DAP: variants seen among roughly 807,000 people sequenced by gnomAD.
DAP encodes the protein death-associated protein 1.
Under a neutral mutation model 13.8 loss-of-function variants are expected in DAP, and 8 were observed. The ratio of observed to expected loss-of-function variants is 0.58; its 90% CI spans 0.34 to 1.05. The LOEUF (loss-of-function observed/expected upper bound fraction) is 1.05, where lower values mean the gene tolerates loss of function less well. Ranked by LOEUF, DAP falls within the 50% of genes least tolerant of loss-of-function variation. The probability of loss-of-function intolerance (pLI) is 0.03; values close to 1 mark genes in which losing one functional copy is unlikely to be tolerated. For synonymous variants in DAP, 47 were observed against 47.5 expected (o/e 0.99, Z 0.04); for missense variants, 106 against 133.2 (o/e 0.80, Z 1.01).
chr5:10,696,664 T>C (rs566571789), intron 2 of DAP, among the ~76,000 whole-genome samples: 4 of 152,350 alleles, frequency 2.6e-5, no homozygotes, highest in Admixed American at 6.5e-5. Context: ...TAGTTTCCTA[T>C]GTAAAGACAG....
chr5:10,683,566 G>C lies in DAP; in HGVS notation c.158C>G (p.Pro53Arg). The change falls in exon 3 of 4, where the codon CCT (proline) becomes CGT (arginine). Residue 53 changes from proline to arginine, a missense_variant. Coordinates refer to ENST00000230895, the MANE Select transcript of DAP (RefSeq NM_004394.3). ...DDQEWESPSP[P>R]KPTVFISGVI... The stretch of plus-strand genomic sequence containing the variant: ...CCCAGAGATGAACACAGTGGGTTTA[G>C]GTGGACTGGAAAAAAAGAAGGGAAA... 1 of 1,613,982 alleles carries C rather than the reference G, an allele frequency of 6.2e-7. No individual in the cohort carries two copies. Among genetic ancestry groups the C allele is most frequent in the South Asian group, 1.1e-5 (1 of 91,062 alleles).
At chr5:10,757,419 C>A (rs1740217335) in intron 1 of DAP, among the ~76,000 whole-genome samples, 1 of 152,150 alleles carries the variant, frequency 6.6e-6, no homozygotes, top group Non-Finnish European at 1.5e-5. Context: ...AGATTACAGG[C>A]ACCCACCAGC....
chr5:10,736,026 G>T (rs1353665764), intron 2 of DAP, among the ~76,000 whole-genome samples: 1 of 152,196 alleles, frequency 6.6e-6, no homozygotes, highest in Non-Finnish European at 1.5e-5. Flanking sequence ...AATAGGACAG[G>T]TGTCTTTATA....
chr5:10,713,707 GTCC>G (rs1738909443), intron 2 of DAP, among the ~76,000 whole-genome samples: 1 of 152,200 alleles, frequency 6.6e-6, no homozygotes, highest in African/African-American at 2.4e-5. Context: ...GCAAGGAGCC[GTCC>G]CTCCAGCCAG....
At chr5:10,696,795 C>T (rs1292232295) in intron 2 of DAP, among the ~76,000 whole-genome samples, 1 of 152,174 alleles carries the variant, frequency 6.6e-6, no homozygotes, top group African/African-American at 2.4e-5. Flanking sequence ...AGCGGGCCCA[C>T]CTTGAGTTTC....
At chr5:10,681,881 G>T (rs1354890898) in intron 3 of DAP, among the ~76,000 whole-genome samples, 1 of 149,966 alleles carries the variant, frequency 6.7e-6, no homozygotes, top group Non-Finnish European at 1.5e-5. Flanking sequence ...GGGTGAGGAA[G>T]CCCCAGACCA....
At chr5:10,741,919 G>A (rs989873286) in intron 2 of DAP, among the ~76,000 whole-genome samples, 7 of 152,202 alleles carry the variant, frequency 4.6e-5, no homozygotes, top group Non-Finnish European at 1.0e-4. Context: ...CCACGGTAAA[G>A]ACACTCTTTT....
chr5:10,738,168 C>T (rs993695246), intron 2 of DAP, among the ~76,000 whole-genome samples: 1 of 152,252 alleles, frequency 6.6e-6, no homozygotes, highest in African/African-American at 2.4e-5. Context: ...TAAAGCCACC[C>T]AGGTTGTGGC....
rs1044925391 is a variant in DAP at position 10,707,157 on chromosome 5, T to C, written c.153-23586A>G. On this transcript the variant is annotated intron_variant, in intron 2 of 3. Coordinates refer to ENST00000230895, the MANE Select transcript of DAP (RefSeq NM_004394.3). This position sits in a 1 kb window ranked among gnomAD's most constrained non-coding sequence, Gnocchi z 4.0. ...GAATAATGAAAACTCAACTGGGCAT[T>C]TACATTTAAGCCAAGTGCTATGAAG... Among the ~76,000 whole-genome samples the C allele has an allele frequency of 1.3e-5, 2 of 152,148 alleles. No individual in the cohort carries two copies. Among genetic ancestry groups the C allele is most frequent in the African/African-American group, 4.8e-5 (2 of 41,416 alleles).
Position 10,688,460 on chromosome 5 carries a change from A to C in DAP, c.153-4889T>G, listed in dbSNP as rs546964900. Among the ~76,000 whole-genome samples, 85 of 152,344 alleles carry C rather than the reference A, an allele frequency of 5.6e-4. 2 individuals carry two copies. In the South Asian group the frequency reaches 0.017, roughly 30 times the overall value. On this transcript the variant is annotated intron_variant, in intron 2 of 3. Coordinates refer to ENST00000230895, the MANE Select transcript of DAP (RefSeq NM_004394.3). Reference sequence around the variant, plus strand: ...TAATAGGCTACAGTGGAGGGTAAACATAACTTTTATATGCACTGTGAAACC... The same window carrying C: ...TAATAGGCTACAGTGGAGGGTAAACCTAACTTTTATATGCACTGTGAAACC...
At chr5:10,741,579 TGAA>T (rs1471284016) in intron 2 of DAP, among the ~76,000 whole-genome samples, 1 of 152,250 alleles carries the variant, frequency 6.6e-6, no homozygotes, top group African/African-American at 2.4e-5. Flanking sequence ...AAGTTGTTTA[TGAA>T]GTAGTAGACT....
At position 10,680,623 on chromosome 5, in the gene DAP, C is replaced by T; in HGVS notation, c.*433G>A. The T allele has an allele frequency of 3.8e-6, 4 of 1,053,014 alleles. No individual in the cohort carries two copies. The South Asian group carries it at 6.6e-5, about 17-fold the overall frequency. 65.2% of individuals were successfully genotyped at this position (1,053,014 alleles called of 1,614,324 possible). A position where few individuals can be genotyped will look rare whatever the true frequency, so the allele number is the denominator to read the frequency against. On this transcript the variant is annotated 3_prime_UTR_variant, in exon 4 of 4. Coordinates refer to ENST00000230895, the MANE Select transcript of DAP (RefSeq NM_004394.3). ...CAAACTCATTCCCTTAGTTCTTACT[C>T]TCCCACAGGTGTTGAGATTTTATTG...
chr5:10,728,737 G>A (rs1391527272), intron 2 of DAP, among the ~76,000 whole-genome samples: 2 of 152,198 alleles, frequency 1.3e-5, no homozygotes, highest in Admixed American at 1.3e-4. Context: ...TGGACAGGGG[G>A]CTGAGGGGCT....
intron 2 of DAP, among the ~76,000 whole-genome samples, chr5:10,693,140 A>ACG (rs1738346305): frequency 6.9e-6 from 1 of 144,790 alleles, no homozygotes; most frequent in Non-Finnish European, 1.5e-5. Context: ...ACACACACAC[A>ACG]CACACACACA....
intron 2 of DAP, among the ~76,000 whole-genome samples, chr5:10,692,050 G>A (rs1738322241): frequency 6.6e-6 from 1 of 152,214 alleles, no homozygotes; most frequent in South Asian, 2.1e-4. Context: ...GAGTAACCCT[G>A]TGGAATGCAG....
At chr5:10,713,198 G>A (rs751418846) in intron 2 of DAP, among the ~76,000 whole-genome samples, 5 of 152,168 alleles carry the variant, frequency 3.3e-5, no homozygotes, top group Non-Finnish European at 7.3e-5. Flanking sequence ...AGGTTACAGG[G>A]TGGGGAAACT....
chr5:10,684,613 C>A (rs1183815935), intron 2 of DAP, among the ~76,000 whole-genome samples: 1 of 152,164 alleles, frequency 6.6e-6, no homozygotes, highest in African/African-American at 2.4e-5. Flanking sequence ...TTCTTATTAA[C>A]TTTTTTCTTA....
At chr5:10,760,929 TC>T in intron 1 of DAP, 84 bp downstream of exon 1, 1 of 890,728 alleles carries the variant, frequency 1.1e-6, no homozygotes, top group Non-Finnish European at 1.5e-6. Context: ...GCCGGGGCCC[TC>T]CCCGCGGAGC....
intron 2 of DAP, among the ~76,000 whole-genome samples, chr5:10,735,269 T>C (rs1333708429): frequency 1.3e-5 from 2 of 152,200 alleles, no homozygotes; most frequent in African/African-American, 4.8e-5. Context: ...CTGCCTGTCG[T>C]CATTGGTCTC....
Sources: gnomAD v4.1 joint callset for allele counts (sites outside exome capture counted in the v4.1 genomes callset) on GRCh38, gnomAD v4.1.1 for gene constraint, Gnocchi (gnomAD v3.1) non-coding constraint, MANE v1.5 for transcripts, NCBI Gene and HGNC (gene_info 2026-07-23, HGNC 2026-07-21) for gene names.